Variants in NCKAP5 observed in about 807,000 individuals in gnomAD.
NCKAP5 encodes NCK associated protein 5.
In NCKAP5, 92 loss-of-function variants were observed where a neutral mutation model predicts 167.0. The observed-to-expected ratio is 0.55, with a 90% CI of 0.47 to 0.66. The LOEUF is 0.66. NCKAP5 is among the 30% of genes least tolerant of loss of function. The pLI, the probability that NCKAP5 is intolerant of heterozygous loss-of-function variation, is 0.00. For missense variants in NCKAP5, 2,378 were observed against 2,315.0 expected (o/e 1.03, Z -0.56); for synonymous variants, 891 against 877.4 (o/e 1.02, Z -0.27).
chr2:132,702,021 C>T (rs1390698919), intron 19 of NCKAP5, among the ~76,000 whole-genome samples: 1 of 152,134 alleles, frequency 6.6e-6, no homozygotes, highest in East Asian at 1.9e-4. Context: ...ATCTGTCAGG[C>T]TTTTTGGCAA....
At chr2:132,874,074 G>A (rs1305787534) in intron 9 of NCKAP5, among the ~76,000 whole-genome samples, 5 of 150,692 alleles carry the variant, frequency 3.3e-5, no homozygotes, top group South Asian at 2.1e-4. Context: ...TGACAAGTAC[G>A]ATCGTCTTCC....
intron 8 of NCKAP5, among the ~76,000 whole-genome samples, chr2:132,887,031 G>C (rs1281196478): frequency 2.0e-5 from 3 of 152,124 alleles, no homozygotes; most frequent in Admixed American, 2.0e-4. Flanking sequence ...TGTTAAATTT[G>C]ATCACCTGGT....
Position 133,223,585 on chromosome 2 carries a change from T to A in NCKAP5, c.144-9806A>T, listed in dbSNP as rs545058594. On this transcript the variant is annotated intron_variant, in intron 4 of 19. Coordinates refer to ENST00000409261, the MANE Select transcript of NCKAP5 (RefSeq NM_207363.3). The stretch of plus-strand genomic sequence containing the variant: ...AGGGTGAGAGGAGATTTTAGAAAAC[T>A]TTTAGAGCCGCAACTCATATGAAAG... Among the ~76,000 whole-genome samples, 4 of 152,280 alleles carry A rather than the reference T, an allele frequency of 2.6e-5. No homozygotes were observed. In the East Asian group the frequency reaches 7.7e-4, roughly 29 times the overall value.
chr2:132,729,690 C>T (rs1168658444), intron 17 of NCKAP5, among the ~76,000 whole-genome samples: 1 of 152,128 alleles, frequency 6.6e-6, no homozygotes, highest in Non-Finnish European at 1.5e-5. Flanking sequence ...AAGAGAGTTT[C>T]CCCACTACCC....
At chr2:133,334,135 G>T (rs1683057490) in intron 3 of NCKAP5, among the ~76,000 whole-genome samples, 1 of 152,164 alleles carries the variant, frequency 6.6e-6, no homozygotes, top group Non-Finnish European at 1.5e-5. Flanking sequence ...CATCTTGCTT[G>T]GATTCAAAGC....
At chr2:133,459,330 A>G (rs1262578542) in intron 3 of NCKAP5, among the ~76,000 whole-genome samples, 1 of 152,110 alleles carries the variant, frequency 6.6e-6, no homozygotes, top group Non-Finnish European at 1.5e-5. Context: ...GTGAACCACC[A>G]CATTTCGCCC....
In NCKAP5 at chr2:133,273,973, CA is replaced by C. The variant is rs397872263; in HGVS notation, c.143+29063del. ...CCTTAACCTGATAAAGTTTGTCTAC[CA>C]AAAAAAAAAAAAAAAATCTATAACA... On this transcript the variant is annotated intron_variant, in intron 4 of 19. Coordinates refer to ENST00000409261, the MANE Select transcript of NCKAP5 (RefSeq NM_207363.3). Among the ~76,000 whole-genome samples, 1,088 of 123,592 alleles carry C rather than the reference CA, an allele frequency of 8.8e-3. 1 individual carries two copies. The highest frequency in any genetic ancestry group is 0.061 in the Middle Eastern group (13 of 214). The allele number at this position is 123,592 out of a possible 152,430, so 81.1% of individuals were successfully genotyped here. A position where few individuals can be genotyped will look rare whatever the true frequency, so the allele number is the denominator to read the frequency against.
chr2:133,304,880 G>T (rs1207084915), intron 3 of NCKAP5, among the ~76,000 whole-genome samples: 3 of 152,204 alleles, frequency 2.0e-5, no homozygotes, highest in Admixed American at 6.5e-5. Context: ...GTGCTATGAA[G>T]TAAACAGGTG....
intron 16 of NCKAP5, among the ~76,000 whole-genome samples, chr2:132,744,679 T>G (rs2105621096): frequency 6.6e-6 from 1 of 151,060 alleles, no homozygotes; most frequent in East Asian, 1.9e-4. Flanking sequence ...AAGAGCTGGT[T>G]ATTTTACATG....
chr2:132,898,507 T>C (rs1693376728), intron 8 of NCKAP5, among the ~76,000 whole-genome samples: 1 of 152,246 alleles, frequency 6.6e-6, no homozygotes, highest in African/African-American at 2.4e-5. Flanking sequence ...TCAATTTATT[T>C]TCCCCAGATC....
intron 6 of NCKAP5, among the ~76,000 whole-genome samples, chr2:133,034,581 T>C (rs1295289313): frequency 6.6e-6 from 1 of 152,018 alleles, no homozygotes; most frequent in African/African-American, 2.4e-5. Context: ...CATAGTACAA[T>C]AAGATGTAAA....
chr2:132,812,183 A>G (rs1337090006), intron 11 of NCKAP5, among the ~76,000 whole-genome samples: 1 of 151,924 alleles, frequency 6.6e-6, no homozygotes, highest in Non-Finnish European at 1.5e-5. Context: ...TCCTCTCGGG[A>G]TTGCTGGTTT....
chr2:133,190,930 T>C (rs1473817830), intron 5 of NCKAP5, among the ~76,000 whole-genome samples: 4 of 151,988 alleles, frequency 2.6e-5, no homozygotes, highest in Non-Finnish European at 5.9e-5. Flanking sequence ...TGGGATCTCA[T>C]TAAACTAAAG....
At chr2:132,844,695 G>C (rs1688540899) in intron 11 of NCKAP5, among the ~76,000 whole-genome samples, 1 of 152,054 alleles carries the variant, frequency 6.6e-6, no homozygotes, top group South Asian at 2.1e-4. Context: ...TTTTTTGATG[G>C]CCATTTAGGC....
At chr2:132,891,035 G>C (rs1692657176) in intron 8 of NCKAP5, among the ~76,000 whole-genome samples, 1 of 152,218 alleles carries the variant, frequency 6.6e-6, no homozygotes, top group African/African-American at 2.4e-5. Context: ...TTAAAATGAA[G>C]TCTTTGTTTA....
At chr2:133,556,946 C>G (rs1687781015) in intron 2 of NCKAP5, 1 of 152,166 alleles carries the variant, frequency 6.6e-6, no homozygotes, top group African/African-American at 2.4e-5. Flanking sequence ...CAAGAAGGAA[C>G]ATACTCATTT....
intron 5 of NCKAP5, among the ~76,000 whole-genome samples, chr2:133,201,078 G>A (rs1363020403): frequency 6.6e-6 from 1 of 152,060 alleles, no homozygotes; most frequent in Non-Finnish European, 1.5e-5. Flanking sequence ...ATATCCTAGA[G>A]TAAAAGTAAA....
At chr2:133,009,545 G>T (rs368454785) in intron 6 of NCKAP5, among the ~76,000 whole-genome samples, 186 of 152,156 alleles carry the variant, frequency 1.2e-3, no homozygotes, top group African/African-American at 4.3e-3. Flanking sequence ...ATGAATAATT[G>T]TTTCCTGATG....
chr2:132,828,403 G>A (rs531844327), intron 11 of NCKAP5, among the ~76,000 whole-genome samples: 4 of 152,024 alleles, frequency 2.6e-5, no homozygotes, highest in African/African-American at 9.7e-5. Context: ...TAGTTACAGC[G>A]AGATCTGGTT....
Sources: allele counts gnomAD v4.1 joint callset (sites outside exome capture counted in the v4.1 genomes callset), GRCh38; gene constraint gnomAD v4.1.1; transcripts MANE v1.5; gene names NCBI Gene and HGNC (gene_info 2026-07-23, HGNC 2026-07-21).